Variants in ERC1 observed in about 807,000 individuals in gnomAD.
The protein encoded by ERC1 is ELKS/RAB6-interacting/CAST family member 1.
A neutral mutation model predicts 132.0 loss-of-function variants in ERC1; 56 were observed. The ratio of observed to expected loss-of-function variants is 0.42; its 90% CI spans 0.34 to 0.53. ERC1 has a LOEUF of 0.53. Among genes scored for constraint, ERC1 ranks in the 20% least tolerant of loss-of-function variants. ERC1 has a pLI of 0.03. For missense variants in ERC1, 1,202 were observed against 1,349.9 expected, an observed-to-expected ratio of 0.89 and a Z score of 1.72; for synonymous variants, 478 against 476.1, an observed-to-expected ratio of 1.00 and a Z score of -0.05.
intron 13 of ERC1, among the ~76,000 whole-genome samples, chr12:1,245,931 A>T (rs1449129178): frequency 1.3e-5 from 2 of 151,154 alleles, no homozygotes; most frequent in East Asian, 3.9e-4. Flanking sequence ...TCCCAAAGTG[A>T]TTTTTTTTTC....
chr12:990,989 A>C, upstream of ERC1: 1 of 148,866 alleles, frequency 6.7e-6, no homozygotes, highest in African/African-American at 2.5e-5. Context: ...CGCGCCCATC[A>C]CTCTGTTTCG....
At chr12:1,464,581 G>A (rs1447970011) in intron 18 of ERC1, among the ~76,000 whole-genome samples, 6 of 139,004 alleles carry the variant, frequency 4.3e-5, no homozygotes, top group African/African-American at 8.0e-5. Context: ...GTTCAGTGGA[G>A]CGATCTCAGC....
At chr12:1,366,698 A>C (rs1211237962) in intron 15 of ERC1, among the ~76,000 whole-genome samples, 1 of 152,204 alleles carries the variant, frequency 6.6e-6, no homozygotes, top group Non-Finnish European at 1.5e-5. Context: ...AGAGGCTTTA[A>C]GAATAATGCA....
At chr12:1,218,598 A>G (rs908472762) in intron 12 of ERC1, among the ~76,000 whole-genome samples, 38 of 152,100 alleles carry the variant, frequency 2.5e-4, no homozygotes, top group African/African-American at 8.5e-4. Context: ...ATAAATATCC[A>G]TGTTACCAAA....
intron 15 of ERC1, among the ~76,000 whole-genome samples, chr12:1,365,267 T>A (rs2086548609): frequency 6.6e-6 from 1 of 152,132 alleles, no homozygotes; most frequent in African/African-American, 2.4e-5. Context: ...TCTTTCTAGT[T>A]GTGGTTTATG....
At chr12:1,071,840 C>A (rs961130006) in intron 2 of ERC1, among the ~76,000 whole-genome samples, 4 of 152,188 alleles carry the variant, frequency 2.6e-5, no homozygotes, top group African/African-American at 9.7e-5. Context: ...GTGGCTCACA[C>A]CTTTAATCCC....
chr12:1,408,380 ACT>A (rs1243979926), intron 17 of ERC1, 133 bp downstream of exon 17: 1 of 576,814 alleles, frequency 1.7e-6, no homozygotes. Flanking sequence ...AGTTCTGAAA[ACT>A]CTACTCTTTT....
chr12:1,333,330 ATTTTTTTTT>A (rs36055111), intron 15 of ERC1, among the ~76,000 whole-genome samples: 1 of 110,724 alleles, frequency 9.0e-6, no homozygotes, highest in African/African-American at 3.6e-5. Flanking sequence ...TATGTACCGC[ATTTTTTTTT>A]TTTTTTTTTT....
At chr12:1,152,093 G>T (rs924131964) in intron 8 of ERC1, among the ~76,000 whole-genome samples, 3 of 151,936 alleles carry the variant, frequency 2.0e-5, no homozygotes, top group Non-Finnish European at 4.4e-5. Context: ...CCAGCTACTC[G>T]GGAGGCTGAG....
chr12:1,048,008 C>T (rs1971347581), intron 2 of ERC1, among the ~76,000 whole-genome samples: 2 of 152,106 alleles, frequency 1.3e-5, no homozygotes, highest in African/African-American at 4.8e-5. Context: ...TTGTGGAAGT[C>T]GCCTTCCTTT....
At chr12:1,217,190 T>C (rs1034200412) in intron 12 of ERC1, among the ~76,000 whole-genome samples, 1 of 152,214 alleles carries the variant, frequency 6.6e-6, no homozygotes, top group Admixed American at 6.5e-5. Context: ...CTGTCATAGA[T>C]CCAAAAAGCC....
intron 17 of ERC1, among the ~76,000 whole-genome samples, chr12:1,423,447 T>C (rs945920051): frequency 6.6e-6 from 1 of 152,232 alleles, no homozygotes; most frequent in Non-Finnish European, 1.5e-5. Context: ...ATACATTGTA[T>C]TGTCTTAATT....
intron 7 of ERC1, among the ~76,000 whole-genome samples, chr12:1,119,864 T>C (rs528745987): frequency 2.0e-5 from 3 of 152,262 alleles, no homozygotes; most frequent in African/African-American, 4.8e-5. Context: ...GTTACTTTAC[T>C]TCTTTAAGCC....
At chr12:1,291,394 G>A (rs2079442552) in intron 15 of ERC1, among the ~76,000 whole-genome samples, 1 of 152,082 alleles carries the variant, frequency 6.6e-6, no homozygotes, top group Non-Finnish European at 1.5e-5. Context: ...TGTGACTGTT[G>A]GCAATGACAC....
chr12:1,231,148 T>G (rs2075007000), intron 12 of ERC1, among the ~76,000 whole-genome samples: 1 of 151,966 alleles, frequency 6.6e-6, no homozygotes, highest in South Asian at 2.1e-4. Flanking sequence ...TGATTTGATT[T>G]TTTTTTTTGT....
intron 15 of ERC1, among the ~76,000 whole-genome samples, chr12:1,348,508 C>A (rs1459711455): frequency 6.6e-6 from 1 of 152,080 alleles, no homozygotes; most frequent in Non-Finnish European, 1.5e-5. Flanking sequence ...CCAAAACCAA[C>A]ATGGTGAAAC....
chr12:1,447,411 G>A (rs1177736223), intron 18 of ERC1, among the ~76,000 whole-genome samples: 1 of 151,638 alleles, frequency 6.6e-6, no homozygotes, highest in Non-Finnish European at 1.5e-5. Context: ...AGCTGCTCAG[G>A]TAGTTAAGGT....
intron 2 of ERC1, among the ~76,000 whole-genome samples, chr12:1,063,303 C>T (rs1938420517): frequency 6.6e-6 from 1 of 151,920 alleles, no homozygotes; most frequent in Admixed American, 6.6e-5. Flanking sequence ...CTCTGTCGCC[C>T]AGGCTGTAGT....
chr12:1,444,726 G>A lies in ERC1; in HGVS notation c.3189G>A (p.Glu1063=). ...ATGACCAGGCGGCTTGGGAGAATGAGCTGCAGAAGATGACCCGGGGGCAGG... is the reference window on the plus strand; with the variant it reads ...ATGACCAGGCGGCTTGGGAGAATGAACTGCAGAAGATGACCCGGGGGCAGG... The part of the protein sequence containing the change: ...LDDDQAAWEN[E]LQKMTRGQLQ... Residue 1063 remains glutamate (E), a synonymous_variant, in exon 18 of 19, where the codon GAG becomes GAA. Transcript: ENST00000360905. 6.2e-7 allele frequency: 1 copy of A among 1,613,922 alleles called. No homozygotes were observed. Among genetic ancestry groups the A allele is most frequent in the South Asian group, 1.1e-5 (1 of 91,014 alleles).
Sources: allele counts gnomAD v4.1 joint callset (sites outside exome capture counted in the v4.1 genomes callset), GRCh38; gene constraint gnomAD v4.1.1; transcripts MANE v1.5; gene names NCBI Gene and HGNC (gene_info 2026-07-23, HGNC 2026-07-21).